The following KCNQ3 variants were observed in gnomAD, a reference collection of about 807,000 sequenced individuals.
The protein encoded by KCNQ3 is potassium voltage-gated channel subfamily KQT member 3.
In KCNQ3, 30 loss-of-function variants were observed where a neutral mutation model predicts 92.5. That is an observed-to-expected ratio of 0.32 (90% CI 0.24 to 0.44). The LOEUF (loss-of-function observed/expected upper bound fraction) is 0.44. Among genes scored for constraint, KCNQ3 ranks in the 20% least tolerant of loss-of-function variants. The pLI is 1.00. For synonymous variants in KCNQ3, 450 were observed against 468.8 expected, an observed-to-expected ratio of 0.96 and a Z score of 0.52; for missense variants, 913 against 1,140.3, an observed-to-expected ratio of 0.80 and a Z score of 2.87.
chr8:132,345,884 G>A (rs1818672882), intron 1 of KCNQ3, among the ~76,000 whole-genome samples: 1 of 152,000 alleles, frequency 6.6e-6, no homozygotes, highest in African/African-American at 2.4e-5. Flanking sequence ...GAGGAGGATG[G>A]AATGGTGATG....
intron 1 of KCNQ3, among the ~76,000 whole-genome samples, chr8:132,258,665 TAAATG>T (rs966501082): frequency 6.6e-6 from 1 of 151,590 alleles, no homozygotes; most frequent in African/African-American, 2.4e-5. Context: ...ACAGCAGAAA[TAAATG>T]AAATAGAGAA....
intron 4 of KCNQ3, among the ~76,000 whole-genome samples, chr8:132,176,775 T>C (rs1826570106): frequency 6.6e-6 from 1 of 152,250 alleles, no homozygotes. Context: ...CAATGAAAGA[T>C]AGAGTTCAGC....
At chr8:132,249,899 G>T (rs779165394) in intron 1 of KCNQ3, among the ~76,000 whole-genome samples, 37 of 152,310 alleles carry the variant, frequency 2.4e-4, no homozygotes, top group African/African-American at 8.4e-4. Flanking sequence ...CCTGGCCCAG[G>T]TACTAAGCCC....
At chr8:132,432,389 T>G (rs139365423) in intron 1 of KCNQ3, among the ~76,000 whole-genome samples, 52 of 150,726 alleles carry the variant, frequency 3.4e-4, no homozygotes, top group African/African-American at 1.1e-3. Flanking sequence ...AACAAAACTA[T>G]GATCTGTCAA....
intron 1 of KCNQ3, among the ~76,000 whole-genome samples, chr8:132,195,007 C>G (rs972700116): frequency 1.3e-5 from 2 of 152,162 alleles, no homozygotes; most frequent in African/African-American, 4.8e-5. Context: ...TGATTACAAC[C>G]CGTCCACTTC....
intron 1 of KCNQ3, among the ~76,000 whole-genome samples, chr8:132,235,345 A>C (rs536405130): frequency 7.9e-5 from 12 of 152,318 alleles, no homozygotes; most frequent in African/African-American, 2.9e-4. Flanking sequence ...TCTACTAAAA[A>C]TACGAAAATT....
chr8:132,418,248 G>A (rs1160446241), intron 1 of KCNQ3, among the ~76,000 whole-genome samples: 1 of 152,184 alleles, frequency 6.6e-6, no homozygotes, highest in Non-Finnish European at 1.5e-5. Context: ...TAGGCTTTCT[G>A]AAGAGGAGCG....
At chr8:132,396,244 G>A (rs1439719696) in intron 1 of KCNQ3, among the ~76,000 whole-genome samples, 1 of 152,032 alleles carries the variant, frequency 6.6e-6, no homozygotes, top group Non-Finnish European at 1.5e-5. Flanking sequence ...ACAAACACTT[G>A]GGTCTCCCAT....
intron 9 of KCNQ3, among the ~76,000 whole-genome samples, chr8:132,145,023 C>T (rs1171802931): frequency 6.6e-6 from 1 of 152,216 alleles, no homozygotes; most frequent in African/African-American, 2.4e-5. Context: ...GCACATTTGG[C>T]CATGCCTGGA....
intron 9 of KCNQ3, among the ~76,000 whole-genome samples, chr8:132,161,827 G>T (rs969510238): frequency 2.0e-5 from 3 of 152,178 alleles, no homozygotes; most frequent in South Asian, 2.1e-4. Context: ...CGCCTCCTGC[G>T]TAAAGGAATT....
intron 1 of KCNQ3, among the ~76,000 whole-genome samples, chr8:132,325,962 C>T (rs372601628): frequency 3.9e-5 from 6 of 152,166 alleles, no homozygotes; most frequent in Non-Finnish European, 7.4e-5. Flanking sequence ...AACTTTCCTT[C>T]GTATGTCGAA....
At chr8:132,287,535 G>T (rs1360897348) in intron 1 of KCNQ3, among the ~76,000 whole-genome samples, 1 of 152,182 alleles carries the variant, frequency 6.6e-6, no homozygotes, top group Admixed American at 6.5e-5. Context: ...ATGAGTGGAT[G>T]AACTGATATA....
chr8:132,196,949 T>C (rs950506707), intron 1 of KCNQ3, among the ~76,000 whole-genome samples: 3 of 152,148 alleles, frequency 2.0e-5, no homozygotes, highest in African/African-American at 4.8e-5. Context: ...GTCTTAACTA[T>C]TGCAAGAGTG....
intron 1 of KCNQ3, among the ~76,000 whole-genome samples, chr8:132,306,262 G>A (rs941479676): frequency 2.0e-5 from 3 of 152,146 alleles, no homozygotes; most frequent in Non-Finnish European, 2.9e-5. Flanking sequence ...TTATGTTTTT[G>A]CTTTCTTCTC....
intron 1 of KCNQ3, among the ~76,000 whole-genome samples, chr8:132,387,713 G>T (rs972029703): frequency 5.3e-5 from 8 of 152,172 alleles, no homozygotes; most frequent in Non-Finnish European, 1.2e-4. Context: ...TATAAAAGAA[G>T]AAATAGGCTG....
intron 1 of KCNQ3, among the ~76,000 whole-genome samples, chr8:132,313,707 C>T (rs1817662602): frequency 6.6e-6 from 1 of 152,106 alleles, no homozygotes; most frequent in African/African-American, 2.4e-5. Flanking sequence ...ATTATCATTA[C>T]AGTAATTCAA....
chr8:132,231,544 A>C (rs1489959163), intron 1 of KCNQ3, among the ~76,000 whole-genome samples: 1 of 152,222 alleles, frequency 6.6e-6, no homozygotes, highest in African/African-American at 2.4e-5. Flanking sequence ...TAAAAAGACA[A>C]AGAAACACCA....
At chr8:132,193,246 A>C (rs932712510) in intron 1 of KCNQ3, among the ~76,000 whole-genome samples, 6 of 152,186 alleles carry the variant, frequency 3.9e-5, no homozygotes, top group Non-Finnish European at 8.8e-5. Context: ...ATGCCCTTAA[A>C]TCAGTCTCCA....
intron 1 of KCNQ3, among the ~76,000 whole-genome samples, chr8:132,474,164 G>C (rs949703626): frequency 3.9e-5 from 6 of 152,212 alleles, no homozygotes; most frequent in African/African-American, 1.4e-4. Context: ...ACAGCCTCAG[G>C]ACAGTCACAG....
Sources: allele counts gnomAD v4.1 joint callset (sites outside exome capture counted in the v4.1 genomes callset), GRCh38; gene constraint gnomAD v4.1.1; transcripts MANE v1.5; gene names NCBI Gene and HGNC (gene_info 2026-07-23, HGNC 2026-07-21).